CNTNAP5: variants seen among roughly 807,000 people sequenced by gnomAD.
CNTNAP5 encodes the protein contactin-associated protein-like 5.
CNTNAP5 carries 72 observed loss-of-function variants against 150.2 expected under a neutral mutation model. The observed-to-expected ratio is 0.48, with a 90% CI of 0.40 to 0.58. The LOEUF is 0.58. CNTNAP5 is among the 20% of genes least tolerant of loss of function. The pLI, the probability that CNTNAP5 is intolerant of heterozygous loss-of-function variation, is 0.00. For synonymous variants in CNTNAP5, 672 were observed against 619.8 expected (o/e 1.08, Z -1.25); for missense variants, 1,636 against 1,626.2 (o/e 1.01, Z -0.10).
chr2:124,091,194 C>T (rs1287938157), intron 1 of CNTNAP5, among the ~76,000 whole-genome samples: 1 of 152,080 alleles, frequency 6.6e-6, no homozygotes, highest in East Asian at 1.9e-4. Flanking sequence ...AAATAGTGAG[C>T]AGGGAGTGTA....
intron 7 of CNTNAP5, among the ~76,000 whole-genome samples, chr2:124,476,878 T>C (rs963313936): frequency 1.3e-5 from 2 of 152,136 alleles, no homozygotes; most frequent in Non-Finnish European, 2.9e-5. Flanking sequence ...AGTCTTTTAA[T>C]GGCAATTTTA....
At position 124,292,188 on chromosome 2, in the gene CNTNAP5, C is replaced by CT. The variant is rs567007941; in HGVS notation, c.381+49803dup. 2.3e-3 allele frequency among the ~76,000 whole-genome samples: 349 copies of CT among 151,990 alleles called. 1 individual carries two copies. The highest frequency in any genetic ancestry group is 8.0e-3 in the African/African-American group (333 of 41,478). ...GGGTGCTTTATTTAGTTTTATCTCT[C>CT]TTTTTTTTATTCCCATTCAATATTG... On this transcript the variant is annotated intron_variant, in intron 3 of 23. Transcript: ENST00000682447.
At chr2:124,266,342 A>G (rs1025259958) in intron 3 of CNTNAP5, among the ~76,000 whole-genome samples, 1 of 152,156 alleles carries the variant, frequency 6.6e-6, no homozygotes, top group African/African-American at 2.4e-5. Context: ...TATTATATTA[A>G]ACTGAGTGGA....
intron 1 of CNTNAP5, among the ~76,000 whole-genome samples, chr2:124,176,177 A>T (rs989775304): frequency 6.6e-6 from 1 of 152,208 alleles, no homozygotes; most frequent in African/African-American, 2.4e-5. Flanking sequence ...AAGTGATGGC[A>T]CATGCTGTGC....
At chr2:124,701,333 A>G (rs1393830881) in intron 13 of CNTNAP5, among the ~76,000 whole-genome samples, 1 of 152,028 alleles carries the variant, frequency 6.6e-6, no homozygotes, top group East Asian at 1.9e-4. Flanking sequence ...ATGCTCATCT[A>G]TGTTGTGACA....
chr2:124,039,343 G>T (rs1237361582), intron 1 of CNTNAP5, among the ~76,000 whole-genome samples: 1 of 152,118 alleles, frequency 6.6e-6, no homozygotes, highest in African/African-American at 2.4e-5. Flanking sequence ...TTAATAAATT[G>T]AATTGAAGCA....
At chr2:124,154,931 C>A (rs2104639661) in intron 1 of CNTNAP5, among the ~76,000 whole-genome samples, 1 of 152,284 alleles carries the variant, frequency 6.6e-6, no homozygotes, top group African/African-American at 2.4e-5. Flanking sequence ...CCAAATGATT[C>A]CACTATGCAG....
At chr2:124,820,873 A>G (rs1421334003) in intron 19 of CNTNAP5, among the ~76,000 whole-genome samples, 2 of 152,196 alleles carry the variant, frequency 1.3e-5, no homozygotes, top group South Asian at 4.1e-4. Flanking sequence ...ATTTTGTTCC[A>G]TGCAGTTTTT....
chr2:124,198,633 A>C (rs1685647428), intron 1 of CNTNAP5, among the ~76,000 whole-genome samples: 1 of 152,110 alleles, frequency 6.6e-6, no homozygotes, highest in Non-Finnish European at 1.5e-5. Flanking sequence ...GTGTACCCAG[A>C]AGTTGTTAAT....
At chr2:124,743,461 T>G (rs1285276288) in intron 13 of CNTNAP5, among the ~76,000 whole-genome samples, 1 of 152,158 alleles carries the variant, frequency 6.6e-6, no homozygotes, top group Non-Finnish European at 1.5e-5. Flanking sequence ...GATGGGAAGA[T>G]AGCCCCAGGA....
At chr2:124,217,290 T>C (rs1011350097) in intron 1 of CNTNAP5, among the ~76,000 whole-genome samples, 10 of 152,270 alleles carry the variant, frequency 6.6e-5, no homozygotes, top group African/African-American at 2.2e-4. Context: ...CTTCTTCTTT[T>C]CTACATTAAA....
chr2:124,485,309 C>A (rs1413547538), intron 7 of CNTNAP5, among the ~76,000 whole-genome samples: 1 of 152,054 alleles, frequency 6.6e-6, no homozygotes, highest in African/African-American at 2.4e-5. Context: ...AGATTCAGAC[C>A]TCTTCAAGTA....
At chr2:124,394,830 T>A (rs1304402872) in intron 3 of CNTNAP5, among the ~76,000 whole-genome samples, 1 of 152,314 alleles carries the variant, frequency 6.6e-6, no homozygotes, top group African/African-American at 2.4e-5. Context: ...CCGAGACACA[T>A]ACATTCTGCT....
At chr2:124,033,334 A>G (rs1558731821) in intron 1 of CNTNAP5, among the ~76,000 whole-genome samples, 1 of 152,114 alleles carries the variant, frequency 6.6e-6, no homozygotes, top group South Asian at 2.1e-4. Flanking sequence ...AGGCAATCCA[A>G]AGCAAATAGC....
chr2:124,667,395 A>C (rs955840518), intron 13 of CNTNAP5, among the ~76,000 whole-genome samples: 1 of 152,236 alleles, frequency 6.6e-6, no homozygotes, highest in Non-Finnish European at 1.5e-5. Flanking sequence ...CTCATTTCAC[A>C]GTCTGAATAT....
chr2:124,773,935 TGTGTGTGTGTGTGA>T (rs935532398), intron 17 of CNTNAP5, among the ~76,000 whole-genome samples: 5 of 147,728 alleles, frequency 3.4e-5, no homozygotes, highest in East Asian at 2.0e-4. Flanking sequence ...TGTGTGTGTG[TGTGTGTGTGTGTGA>T]GAGAGAGAGA....
At chr2:124,330,016 A>T (rs1232842297) in intron 3 of CNTNAP5, among the ~76,000 whole-genome samples, 1 of 152,090 alleles carries the variant, frequency 6.6e-6, no homozygotes, top group Non-Finnish European at 1.5e-5. Context: ...GTTCCTGTGA[A>T]CTCGCCCCAA....
chr2:124,664,962 T>C (rs750436845), intron 13 of CNTNAP5, among the ~76,000 whole-genome samples: 6 of 152,156 alleles, frequency 3.9e-5, no homozygotes, highest in Non-Finnish European at 5.9e-5. Context: ...GCTGGGATTA[T>C]AGGCGTGAGC....
intron 2 of CNTNAP5, among the ~76,000 whole-genome samples, chr2:124,232,835 G>T (rs534363919): frequency 2.0e-5 from 3 of 152,074 alleles, no homozygotes; most frequent in Admixed American, 1.3e-4. Context: ...GCGTTCTGGG[G>T]TATCTTTATT....
Sources: gnomAD v4.1 joint callset for allele counts (sites outside exome capture counted in the v4.1 genomes callset) on GRCh38, gnomAD v4.1.1 for gene constraint, MANE v1.5 for transcripts, NCBI Gene and HGNC (gene_info 2026-07-23, HGNC 2026-07-21) for gene names.